B3GALT1: variants seen among roughly 807,000 people sequenced by gnomAD.
B3GALT1 encodes the protein beta-1,3-galactosyltransferase 1, also known as UDP-Gal:betaGlcNAc beta 1,3-galactosyltransferase, polypeptide 1.
A neutral mutation model predicts 23.2 loss-of-function variants in B3GALT1; 10 were observed. The ratio of observed to expected loss-of-function variants is 0.43; its 90% CI spans 0.27 to 0.73. The LOEUF (loss-of-function observed/expected upper bound fraction) is 0.73, where lower values mean the gene tolerates loss of function less well. B3GALT1 is among the 30% of genes least tolerant of loss of function. The pLI is 0.21. For missense variants in B3GALT1, 299 were observed against 405.4 expected, an observed-to-expected ratio of 0.74 and a Z score of 2.25; for synonymous variants, 156 against 141.5, an observed-to-expected ratio of 1.10 and a Z score of -0.73.
chr2:167,856,120 A>G (rs185815044), intron 4 of B3GALT1, among the ~76,000 whole-genome samples: 197 of 152,312 alleles, frequency 1.3e-3, no homozygotes, highest in Admixed American at 2.5e-3. Flanking sequence ...AACAAAAACT[A>G]CAGAATTGTT....
At chr2:167,422,808 T>C (rs1002087409) in intron 1 of B3GALT1, among the ~76,000 whole-genome samples, 6 of 152,052 alleles carry the variant, frequency 3.9e-5, no homozygotes, top group African/African-American at 1.4e-4. Flanking sequence ...TTATGTGGAC[T>C]CCACAGAAGG....
intron 2 of B3GALT1, among the ~76,000 whole-genome samples, chr2:167,606,663 T>C (rs1233180217): frequency 6.6e-6 from 1 of 152,178 alleles, no homozygotes; most frequent in Non-Finnish European, 1.5e-5. Flanking sequence ...AAGTAAAGAT[T>C]AAAAAGCTGT....
chr2:167,562,990 C>T (rs1684042116), intron 2 of B3GALT1, among the ~76,000 whole-genome samples: 2 of 152,126 alleles, frequency 1.3e-5, no homozygotes, highest in South Asian at 4.1e-4. Context: ...CAACAGGATC[C>T]CAAGGCAGAA....
At chr2:167,424,926 C>T (rs1016208335) in intron 1 of B3GALT1, among the ~76,000 whole-genome samples, 6 of 152,178 alleles carry the variant, frequency 3.9e-5, no homozygotes, top group Non-Finnish European at 7.4e-5. Flanking sequence ...CCCATCATTT[C>T]GAAGTCAACA....
intron 2 of B3GALT1, among the ~76,000 whole-genome samples, chr2:167,553,520 A>G (rs1683786759): frequency 6.6e-6 from 1 of 152,116 alleles, no homozygotes. Flanking sequence ...CTCCAAGAAA[A>G]CATGCAGAAT....
chr2:167,632,007 A>G (rs1483302363), intron 2 of B3GALT1, among the ~76,000 whole-genome samples: 1 of 150,134 alleles, frequency 6.7e-6, no homozygotes, highest in Non-Finnish European at 1.5e-5. Flanking sequence ...ATGTGTTCTC[A>G]TTGTTCAACT....
intron 3 of B3GALT1, among the ~76,000 whole-genome samples, chr2:167,816,731 A>G (rs928276964): frequency 5.3e-5 from 8 of 152,284 alleles, no homozygotes; most frequent in East Asian, 1.9e-4. Context: ...TTCAGGTGCT[A>G]TTTTTCCAAT....
chr2:167,558,948 G>A (rs1683908600), intron 2 of B3GALT1, among the ~76,000 whole-genome samples: 1 of 152,360 alleles, frequency 6.6e-6, no homozygotes, highest in South Asian at 2.1e-4. Flanking sequence ...CAGCTTTGAA[G>A]AGAGCAGTGG....
intron 1 of B3GALT1, among the ~76,000 whole-genome samples, chr2:167,354,071 A>G (rs1050601745): frequency 6.6e-6 from 1 of 152,314 alleles, no homozygotes; most frequent in Admixed American, 6.5e-5. Context: ...GGGATGCAGT[A>G]AGTCATAAGG....
At chr2:167,657,893 G>A (rs1206112776) in intron 3 of B3GALT1, among the ~76,000 whole-genome samples, 2 of 152,056 alleles carry the variant, frequency 1.3e-5, no homozygotes, top group African/African-American at 2.4e-5. Context: ...CAAGCATACA[G>A]TATTATTTTT....
chr2:167,601,937 G>A (rs1030378108), intron 2 of B3GALT1, among the ~76,000 whole-genome samples: 1 of 152,020 alleles, frequency 6.6e-6, no homozygotes, highest in African/African-American at 2.4e-5. Context: ...GCATAAAATG[G>A]TGACCTTCAA....
At chr2:167,316,816 T>A (rs1264048364) in intron 1 of B3GALT1, among the ~76,000 whole-genome samples, 1 of 152,090 alleles carries the variant, frequency 6.6e-6, no homozygotes, top group African/African-American at 2.4e-5. Context: ...TGAGATCAGC[T>A]CCCAAATAAA....
intron 3 of B3GALT1, among the ~76,000 whole-genome samples, chr2:167,767,913 G>A (rs2105305536): frequency 6.6e-6 from 1 of 152,248 alleles, no homozygotes; most frequent in East Asian, 1.9e-4. Context: ...GGAAGCCTGT[G>A]GTGTAGTTCA....
At chr2:167,363,236 G>A (rs1379323841) in intron 1 of B3GALT1, among the ~76,000 whole-genome samples, 2 of 151,656 alleles carry the variant, frequency 1.3e-5, no homozygotes, top group African/African-American at 4.8e-5. Flanking sequence ...GACTTCTGAC[G>A]CACGCCTCTA....
intron 1 of B3GALT1, among the ~76,000 whole-genome samples, chr2:167,454,031 T>G (rs1421260297): frequency 6.8e-6 from 1 of 147,076 alleles, no homozygotes. Flanking sequence ...TATTTAAAGC[T>G]CTCTGATTTT....
At chr2:167,673,792 A>G (rs1686376759) in intron 3 of B3GALT1, among the ~76,000 whole-genome samples, 1 of 152,140 alleles carries the variant, frequency 6.6e-6, no homozygotes, top group South Asian at 2.1e-4. Context: ...TATTTGGAAT[A>G]CAGTTAGATT....
intron 3 of B3GALT1, among the ~76,000 whole-genome samples, chr2:167,682,238 T>C (rs1261904349): frequency 2.0e-5 from 3 of 152,196 alleles, no homozygotes; most frequent in African/African-American, 7.2e-5. Context: ...GGCATTTTGA[T>C]CCAATGGAAT....
chr2:167,438,639 C>G (rs1210282838), intron 1 of B3GALT1, among the ~76,000 whole-genome samples: 1 of 152,198 alleles, frequency 6.6e-6, no homozygotes, highest in Admixed American at 6.5e-5. Flanking sequence ...CTGGAAAATG[C>G]ATCAGAGAAT....
intron 1 of B3GALT1, among the ~76,000 whole-genome samples, chr2:167,472,610 G>A (rs779230605): frequency 1.3e-5 from 2 of 151,992 alleles, no homozygotes; most frequent in Non-Finnish European, 1.5e-5. Context: ...AGTTCATCTC[G>A]TCTACCAAAT....
Sources: allele counts gnomAD v4.1 joint callset (sites outside exome capture counted in the v4.1 genomes callset), GRCh38; gene constraint gnomAD v4.1.1; transcripts MANE v1.5; gene names NCBI Gene and HGNC (gene_info 2026-07-23, HGNC 2026-07-21).